Variants in ADAMTS3 observed in about 807,000 individuals in gnomAD.
The protein encoded by ADAMTS3 is A disintegrin and metalloproteinase with thrombospondin motifs 3.
In ADAMTS3, 73 loss-of-function variants were observed where a neutral mutation model predicts 129.0. The ratio of observed to expected loss-of-function variants is 0.57; its 90% confidence interval spans 0.47 to 0.69. The LOEUF is 0.69. Among genes scored for constraint, ADAMTS3 ranks in the 30% least tolerant of loss-of-function variants. ADAMTS3 has a pLI of 0.00. For synonymous variants in ADAMTS3, 477 were observed against 510.8 expected, an observed-to-expected ratio of 0.93 and a Z score of 0.89; for missense variants, 1,457 against 1,514.5, an observed-to-expected ratio of 0.96 and a Z score of 0.63.
At chr4:72,521,678 A>C (rs1284417344) in intron 3 of ADAMTS3, among the ~76,000 whole-genome samples, 1 of 152,152 alleles carries the variant, frequency 6.6e-6, no homozygotes, top group Non-Finnish European at 1.5e-5. Flanking sequence ...AAAGTACCCC[A>C]AATAGTGTAC....
At chr4:72,287,422 GAGAA>G (rs1484118136) in intron 21 of ADAMTS3, among the ~76,000 whole-genome samples, 2 of 151,212 alleles carry the variant, frequency 1.3e-5, no homozygotes, top group Non-Finnish European at 3.0e-5. Context: ...GATAAAGAAA[GAGAA>G]AGGGAGAGGG....
At chr4:72,446,697 T>C (rs1452610113) in intron 3 of ADAMTS3, among the ~76,000 whole-genome samples, 1 of 151,642 alleles carries the variant, frequency 6.6e-6, no homozygotes, top group Non-Finnish European at 1.5e-5. Context: ...AAACTATAGC[T>C]CTCTAACAAT....
intron 3 of ADAMTS3, among the ~76,000 whole-genome samples, chr4:72,547,041 C>T (rs774436589): frequency 1.4e-4 from 22 of 152,138 alleles, no homozygotes; most frequent in Non-Finnish European, 2.4e-4. Flanking sequence ...CCATGAGCAT[C>T]TCAGTAAGAG....
At chr4:72,519,280 T>C (rs55952984) in intron 3 of ADAMTS3, among the ~76,000 whole-genome samples, 38,363 of 151,938 alleles carry the variant, frequency 0.25, 4,962 homozygotes, top group Middle Eastern at 0.34. Context: ...ATTTTTTCCT[T>C]CATTTCAACT....
chr4:72,567,448 T>C, intron 1 of ADAMTS3, 47 bp from the exon 2 acceptor site: 7 of 1,578,598 alleles, frequency 4.4e-6, no homozygotes, highest in South Asian at 1.1e-5. Flanking sequence ...CTGGGTTTCA[T>C]CTTATCACCT....
intron 3 of ADAMTS3, among the ~76,000 whole-genome samples, chr4:72,503,363 A>C (rs998947397): frequency 6.6e-6 from 1 of 152,190 alleles, no homozygotes; most frequent in African/African-American, 2.4e-5. Context: ...TATTGTTTAC[A>C]CAAAATTCAT....
chr4:72,563,725 C>T (rs1328555302), intron 2 of ADAMTS3, among the ~76,000 whole-genome samples: 3 of 152,084 alleles, frequency 2.0e-5, no homozygotes, highest in Non-Finnish European at 1.5e-5. Context: ...CCAATTCAGC[C>T]TGGAGAAAGG....
Position 72,548,904 on chromosome 4 carries a change from A to T in ADAMTS3, c.98-20T>A. On this transcript the variant is annotated intron_variant, in intron 2 of 21. Coordinates refer to ENST00000286657, the MANE Select transcript of ADAMTS3 (RefSeq NM_014243.3). ...GTAAATCTGTGGGGTGAAAAACAGA[A>T]CTGTCAAACCCTGTACAATAAGAGA... is the stretch of plus-strand genomic sequence containing the variant. 6.3e-7 allele frequency: 1 copy of T among 1,593,656 alleles called. No individual in the cohort carries two copies.
chr4:72,465,768 G>C (rs138669826), intron 3 of ADAMTS3, among the ~76,000 whole-genome samples: 34 of 152,094 alleles, frequency 2.2e-4, no homozygotes, highest in Middle Eastern at 3.4e-3. Flanking sequence ...CATGTGTCAA[G>C]GGTGGGGCCA....
intron 2 of ADAMTS3, among the ~76,000 whole-genome samples, chr4:72,557,701 A>G (rs1721803652): frequency 6.6e-6 from 1 of 151,852 alleles, no homozygotes; most frequent in Admixed American, 6.5e-5. Context: ...GCCATTTAGG[A>G]AAGAACAACA....
At chr4:72,562,899 T>A (rs1436526049) in intron 2 of ADAMTS3, among the ~76,000 whole-genome samples, 3 of 152,146 alleles carry the variant, frequency 2.0e-5, no homozygotes, top group African/African-American at 7.2e-5. Flanking sequence ...AGCATTAAAG[T>A]TCCATTGAAG....
intron 2 of ADAMTS3, among the ~76,000 whole-genome samples, chr4:72,561,122 G>A (rs1330353973): frequency 6.6e-6 from 1 of 152,116 alleles, no homozygotes; most frequent in African/African-American, 2.4e-5. Flanking sequence ...GGAAGCTGAG[G>A]CGGGTGGATC....
At chr4:72,564,457 G>A (rs542082985) in intron 2 of ADAMTS3, among the ~76,000 whole-genome samples, 2 of 152,146 alleles carry the variant, frequency 1.3e-5, no homozygotes, top group African/African-American at 4.8e-5. Flanking sequence ...CTAGAAGTAT[G>A]TCAATGATCT....
chr4:72,528,981 C>G (rs556839390), intron 3 of ADAMTS3, among the ~76,000 whole-genome samples: 15 of 152,076 alleles, frequency 9.9e-5, no homozygotes, highest in Non-Finnish European at 1.6e-4. Flanking sequence ...AAGAGAATAT[C>G]AAAAGCACCA....
rs1186178774 is a variant in ADAMTS3 at position 72,568,790 on chromosome 4, T to C, written c.-28A>G. On this transcript the variant is annotated 5_prime_UTR_variant, in exon 1 of 22. Transcript: ENST00000286657. ...CGAGTCGAGTTCACTTTCCAACTACTGGGCAAAGCAAATGCCCAGAGCAAA... is the reference window on the plus strand; with the variant it reads ...CGAGTCGAGTTCACTTTCCAACTACCGGGCAAAGCAAATGCCCAGAGCAAA... 4.4e-6 allele frequency: 7 copies of C among 1,594,252 alleles called. No homozygotes were observed. In the African/African-American group the frequency reaches 6.8e-5, roughly 16 times the overall value.
At chr4:72,422,656 A>G (rs1465331495) in intron 3 of ADAMTS3, among the ~76,000 whole-genome samples, 2 of 152,140 alleles carry the variant, frequency 1.3e-5, no homozygotes, top group Non-Finnish European at 2.9e-5. Flanking sequence ...GAATTAAGTC[A>G]GATAGCCTCA....
chr4:72,429,278 T>A (rs576590789), intron 3 of ADAMTS3, among the ~76,000 whole-genome samples: 1 of 152,202 alleles, frequency 6.6e-6, no homozygotes, highest in Non-Finnish European at 1.5e-5. Context: ...AAATACATAA[T>A]AGTCATCTGC....
At chr4:72,425,954 T>A (rs1722563087) in intron 3 of ADAMTS3, among the ~76,000 whole-genome samples, 2 of 152,146 alleles carry the variant, frequency 1.3e-5, no homozygotes, top group South Asian at 4.2e-4. Flanking sequence ...CCATCAACAG[T>A]GTAAAAGTGT....
Position 72,354,095 on chromosome 4 carries a change from C to T in ADAMTS3, c.662-14402G>A, listed in dbSNP as rs79297577. ...GATAAGAGTTCACTTATTCACTGGA[C>T]AAACATTTATTGAGCACCTACTATG... On this transcript the variant is annotated intron_variant, in intron 4 of 21. Coordinates refer to ENST00000286657, the MANE Select transcript of ADAMTS3 (RefSeq NM_014243.3). Among the ~76,000 whole-genome samples, 495 of 152,150 alleles carry T rather than the reference C, an allele frequency of 3.3e-3. 7 individuals are homozygous for T. The East Asian group carries it at 0.057, about 17-fold the overall frequency.
Sources: gnomAD v4.1 joint callset for allele counts (sites outside exome capture counted in the v4.1 genomes callset) on GRCh38, gnomAD v4.1.1 for gene constraint, MANE v1.5 for transcripts, NCBI Gene and HGNC (gene_info 2026-07-23, HGNC 2026-07-21) for gene names.